Variants in SLC26A11 observed in about 807,000 individuals in gnomAD.
The protein encoded by SLC26A11 is solute carrier family 26 member 11, also known as sodium-independent sulfate anion transporter.
Under a neutral mutation model 62.2 loss-of-function variants are expected in SLC26A11, and 58 were observed. The observed-to-expected ratio is 0.93, with a 90% CI of 0.76 to 1.16. The LOEUF is 1.16. SLC26A11 is among the 50% of genes most tolerant of loss of function. The probability of loss-of-function intolerance (pLI) is 0.00; values close to 1 mark genes in which losing one functional copy is unlikely to be tolerated. For synonymous variants in SLC26A11, 411 were observed against 368.9 expected, an observed-to-expected ratio of 1.11 and a Z score of -1.31; for missense variants, 790 against 794.3, an observed-to-expected ratio of 0.99 and a Z score of 0.06.
rs2042266271 is a variant in SLC26A11, at chr17:80,222,956, T to C, written c.427+109T>C. 4.5e-5 allele frequency: 51 copies of C among 1,142,852 alleles called. 1 individual carries two copies. In the South Asian group the frequency reaches 7.3e-4, roughly 16 times the overall value. The allele number at this position is 1,142,852 out of a possible 1,614,324, so 70.8% of individuals were successfully genotyped here. A position where few individuals can be genotyped will look rare whatever the true frequency, so the allele number is the denominator to read the frequency against. On this transcript the variant is annotated intron_variant, in intron 4 of 17. Transcript: ENST00000361193. This position sits in a 1 kb window ranked among gnomAD's most constrained non-coding sequence, Gnocchi z 4.7. ...GTGTGTGCGTGTTGGGGTGTGGGTA[T>C]GTATGTGTGTGTGTGTAGGTGGGTG...
At chr17:80,251,974 G>A (rs73432166) in intron 17 of SLC26A11, among the ~76,000 whole-genome samples, 9,925 of 152,080 alleles carry the variant, frequency 0.065, 793 homozygotes, top group African/African-American at 0.19. Flanking sequence ...CCTTCCAGCC[G>A]AAAGTCCACA....
At chr17:80,249,722 A>G (rs2043108798) in intron 16 of SLC26A11, among the ~76,000 whole-genome samples, 1 of 151,804 alleles carries the variant, frequency 6.6e-6, no homozygotes, top group Non-Finnish European at 1.5e-5. Context: ...CCTGGCCAAC[A>G]TGGTGAAACC....
In SLC26A11 at chr17:80,246,014, C is replaced by T. The variant is rs2042983712; in HGVS notation, c.1098-140C>T. ...GACTGCACCCTAAGTCTCTTTGCCTCGGTCCCCTTGCAGTCCCCGCCTGCT... is the reference window on the plus strand; with the variant it reads ...GACTGCACCCTAAGTCTCTTTGCCTTGGTCCCCTTGCAGTCCCCGCCTGCT... On this transcript the variant is annotated intron_variant, in intron 11 of 17. Coordinates refer to ENST00000361193, the MANE Select transcript of SLC26A11 (RefSeq NM_001166347.2). The surrounding 1 kb of genome is among the most constrained non-coding windows in gnomAD (Gnocchi z 4.4). The T allele has an allele frequency of 3.1e-6, 3 of 982,862 alleles. No homozygotes were observed. Among genetic ancestry groups the T allele is most frequent in the Non-Finnish European group, 3.2e-6 (2 of 621,290 alleles). The allele number at this position is 982,862 out of a possible 1,614,324, so 60.9% of individuals were successfully genotyped here.
At chr17:80,245,762 C>T (rs372620319) in intron 11 of SLC26A11, among the ~76,000 whole-genome samples, 11 of 152,188 alleles carry the variant, frequency 7.2e-5, no homozygotes, top group East Asian at 5.8e-4. Context: ...AGATGCCCTA[C>T]GGCCCCTCCT....
chr17:80,251,284 A>G (rs757941829), intron 16 of SLC26A11, 45 bp from the exon 17 acceptor site: 1 of 1,613,740 alleles, frequency 6.2e-7, no homozygotes. Flanking sequence ...CCCGTGTGCT[A>G]CAGAGGAACA....
At chr17:80,245,119 TG>T in intron 10 of SLC26A11, 76 bp from the exon 11 acceptor site, 1 of 1,404,140 alleles carries the variant, frequency 7.1e-7, no homozygotes, top group Non-Finnish European at 1.0e-6. Context: ...TCTGGGTTTT[TG>T]TCCCCCTCCC....
chr17:80,234,283 GC>G (rs2042635814), intron 7 of SLC26A11, among the ~76,000 whole-genome samples: 1 of 152,216 alleles, frequency 6.6e-6, no homozygotes. Context: ...AGGATTACAG[GC>G]GTGAGCCACT....
chr17:80,229,059 A>T (rs1338850946), intron 7 of SLC26A11, among the ~76,000 whole-genome samples: 2 of 152,226 alleles, frequency 1.3e-5, no homozygotes, highest in African/African-American at 4.8e-5. Flanking sequence ...GGTGACTCCA[A>T]ACCTTCTCAG....
rs1406698976 is a variant in SLC26A11, at chr17:80,228,896, G to A, written c.736+936G>A. On this transcript the variant is annotated intron_variant, in intron 7 of 17. Coordinates refer to ENST00000361193, the MANE Select transcript of SLC26A11 (RefSeq NM_001166347.2). This position sits in a 1 kb window ranked among gnomAD's most constrained non-coding sequence, Gnocchi z 4.1. ...AGAAAGGGGTGGTGAGGGCTGCGTCGTGGAGGAGCAGGGCTGTCAGCAGGT... is the reference window on the plus strand; with the variant it reads ...AGAAAGGGGTGGTGAGGGCTGCGTCATGGAGGAGCAGGGCTGTCAGCAGGT... 5.9e-5 allele frequency among the ~76,000 whole-genome samples: 9 copies of A among 152,218 alleles called. No homozygotes were observed. Among genetic ancestry groups the A allele is most frequent in the Admixed American group, 1.3e-4 (2 of 15,280 alleles).
rs538351608 is a variant in SLC26A11 at position 80,223,428 on chromosome 17, C to A, written c.513+91C>A. The stretch of plus-strand genomic sequence containing the variant: ...AGCAGGACTGAGGCCAGTCCTGATC[C>A]CTGTGGCCAGTGGACGTCTTGCTGT... On this transcript the variant is annotated intron_variant, in intron 5 of 17. Coordinates refer to ENST00000361193, the MANE Select transcript of SLC26A11 (RefSeq NM_001166347.2). This position sits in a 1 kb window ranked among gnomAD's most constrained non-coding sequence, Gnocchi z 4.6. 2.6e-4 allele frequency: 319 copies of A among 1,232,222 alleles called. No individual in the cohort carries two copies. In the African/African-American group the frequency reaches 3.5e-3, roughly 13 times the overall value. The allele number at this position is 1,232,222 out of a possible 1,614,324, so 76.3% of individuals were successfully genotyped here. A position where few individuals can be genotyped will look rare whatever the true frequency, so the allele number is the denominator to read the frequency against.
At chr17:80,231,288 A>T (rs2042561045) in intron 7 of SLC26A11, among the ~76,000 whole-genome samples, 1 of 150,704 alleles carries the variant, frequency 6.6e-6, no homozygotes, top group Non-Finnish European at 1.5e-5. Context: ...TCAGCCTCCC[A>T]AGTAGCTGGG....
Position 80,222,592 on chromosome 17 carries a change from A to G in SLC26A11, c.235-63A>G. On this transcript the variant is annotated intron_variant, in intron 3 of 17. Transcript: ENST00000361193. This position sits in a 1 kb window ranked among gnomAD's most constrained non-coding sequence, Gnocchi z 4.7. The stretch of plus-strand genomic sequence containing the variant: ...CCACACATCCCGAGCTTGGACACGC[A>G]CACTAGGGAGCTGGTGGATGGGCCT... The G allele has an allele frequency of 1.3e-6, 2 of 1,534,086 alleles. No homozygotes were observed.
chr17:80,236,559 C>T (rs1216590914), intron 7 of SLC26A11, among the ~76,000 whole-genome samples: 1 of 152,176 alleles, frequency 6.6e-6, no homozygotes, highest in African/African-American at 2.4e-5. Context: ...TCTTGGAGGC[C>T]ATTGTTTCTG....
rs1048590699 is a variant in SLC26A11, at chr17:80,228,997, C to T, written c.736+1037C>T. On this transcript the variant is annotated intron_variant, in intron 7 of 17. Transcript: ENST00000361193. This position sits in a 1 kb window ranked among gnomAD's most constrained non-coding sequence, Gnocchi z 4.1. Reference sequence around the variant, plus strand: ...GGGCATGGGTCCCCTGGCTGAGCACCGGGCAGGGATGCCCAGAGAAGAAGG... The same window carrying T: ...GGGCATGGGTCCCCTGGCTGAGCACTGGGCAGGGATGCCCAGAGAAGAAGG... 2.0e-5 allele frequency among the ~76,000 whole-genome samples: 3 copies of T among 152,144 alleles called. No homozygotes were observed. Among genetic ancestry groups the T allele is most frequent in the African/African-American group, 4.8e-5 (2 of 41,424 alleles).
intron 9 of SLC26A11, among the ~76,000 whole-genome samples, chr17:80,241,105 A>G (rs1276431750): frequency 2.0e-5 from 3 of 152,194 alleles, no homozygotes; most frequent in Non-Finnish European, 2.9e-5. Context: ...ATCCTGTACT[A>G]TCTGTTTAAT....
chr17:80,236,613 C>G (rs1448480602), intron 7 of SLC26A11, among the ~76,000 whole-genome samples: 1 of 152,168 alleles, frequency 6.6e-6, no homozygotes, highest in Non-Finnish European at 1.5e-5. Context: ...CTCCTTTGTG[C>G]TTTGAGGTGG....
Position 80,236,949 on chromosome 17 carries a change from C to G in SLC26A11, c.758C>G (p.Ser253Cys). ...ATTARNALVVSFAALVAYSFE... is the reference protein window; with the variant it reads ...ATTARNALVVCFAALVAYSFE... ...CTAGCTCGCAACGCCCTGGTGGTCT[C>G]CTTCGCAGCCCTGGTTGCGTACTCC... is the stretch of plus-strand genomic sequence containing the variant. Residue 253 changes from serine to cysteine, a missense_variant, in exon 8 of 18, where the codon TCC becomes TGC. Transcript: ENST00000361193. The G allele has an allele frequency of 6.2e-7, 1 of 1,613,352 alleles. No individual in the cohort carries two copies. Among genetic ancestry groups the G allele is most frequent in the Non-Finnish European group, 8.5e-7 (1 of 1,179,380 alleles).
intron 7 of SLC26A11, among the ~76,000 whole-genome samples, chr17:80,234,399 A>G (rs935319247): frequency 6.6e-6 from 1 of 152,054 alleles, no homozygotes; most frequent in African/African-American, 2.4e-5. Context: ...TAACCTTTTT[A>G]TCCACTGCTT....
At chr17:80,249,110 G>A (rs746796198) in intron 15 of SLC26A11, 44 bp from the exon 16 acceptor site, 1 of 1,587,652 alleles carries the variant, frequency 6.3e-7, no homozygotes, top group African/African-American at 1.3e-5. Context: ...AGCAGCTTTG[G>A]GCTGCTCTGG....
Sources: gnomAD v4.1 joint callset for allele counts (sites outside exome capture counted in the v4.1 genomes callset) on GRCh38, gnomAD v4.1.1 for gene constraint, Gnocchi (gnomAD v3.1) non-coding constraint, MANE v1.5 for transcripts, NCBI Gene and HGNC (gene_info 2026-07-23, HGNC 2026-07-21) for gene names.